The following LRP1B variants were observed in gnomAD, a reference collection of about 807,000 sequenced individuals.
The protein encoded by LRP1B is low-density lipoprotein receptor-related protein 1B.
Under a neutral mutation model 556.6 loss-of-function variants are expected in LRP1B, and 217 were observed. That is an observed-to-expected ratio of 0.39 (90% CI 0.35 to 0.44). The LOEUF is 0.44. Ranked by LOEUF, LRP1B falls within the 20% of genes least tolerant of loss-of-function variation. LRP1B has a pLI of 1.00. For synonymous variants in LRP1B, 2,047 were observed against 1,865.8 expected (o/e 1.10, Z -2.50); for missense variants, 5,053 against 5,620.8 (o/e 0.90, Z 3.23).
At chr2:140,682,040 T>A (rs1246779545) in intron 41 of LRP1B, among the ~76,000 whole-genome samples, 1 of 152,234 alleles carries the variant, frequency 6.6e-6, no homozygotes, top group Non-Finnish European at 1.5e-5. Flanking sequence ...ATGATTTTTA[T>A]GTAAGATGCA....
intron 7 of LRP1B, among the ~76,000 whole-genome samples, chr2:141,186,985 A>T (rs190460334): frequency 7.9e-5 from 12 of 152,176 alleles, no homozygotes; most frequent in Non-Finnish European, 2.9e-5. Context: ...TGCTGTCTAA[A>T]GGCTAATCTG....
intron 1 of LRP1B, among the ~76,000 whole-genome samples, chr2:142,017,965 T>TC (rs1456765502): frequency 6.6e-6 from 1 of 151,770 alleles, no homozygotes; most frequent in Non-Finnish European, 1.5e-5. Context: ...CTTTTTTTTT[T>TC]TTTTGGTGTT....
intron 2 of LRP1B, among the ~76,000 whole-genome samples, chr2:141,593,881 C>T (rs889395069): frequency 6.6e-6 from 1 of 152,094 alleles, no homozygotes; most frequent in Non-Finnish European, 1.5e-5. Flanking sequence ...ACCTCCAAAG[C>T]CTGTCATCAG....
intron 31 of LRP1B, among the ~76,000 whole-genome samples, chr2:140,839,008 T>C (rs1208386926): frequency 6.6e-6 from 1 of 152,088 alleles, no homozygotes; most frequent in Non-Finnish European, 1.5e-5. Context: ...TTTGCAATGG[T>C]TGGCAAAGGT....
chr2:142,066,525 A>G (rs1446173069), intron 1 of LRP1B, among the ~76,000 whole-genome samples: 1 of 151,408 alleles, frequency 6.6e-6, no homozygotes, highest in Non-Finnish European at 1.5e-5. Context: ...ATTCCTTATG[A>G]TTCTTCATTA....
chr2:142,010,548 C>G (rs1318604997), intron 1 of LRP1B, among the ~76,000 whole-genome samples: 2 of 90,598 alleles, frequency 2.2e-5, no homozygotes, highest in Non-Finnish European at 2.0e-5. Context: ...GAGCAAGATT[C>G]TGTCTCAAAA....
intron 6 of LRP1B, among the ~76,000 whole-genome samples, chr2:141,209,149 T>C (rs1271133931): frequency 6.6e-6 from 1 of 152,120 alleles, no homozygotes; most frequent in African/African-American, 2.4e-5. Context: ...GAACTGATAC[T>C]GTTTGGTTCT....
In LRP1B at chr2:141,224,464, C is replaced by A. The variant is rs113469265; in HGVS notation, c.850+4719G>T. ...CTAGAACCAGAAATACCATTTGACC[C>A]GGCAATCCCATTACTGGGTATATAC... On this transcript the variant is annotated intron_variant, in intron 6 of 90. Transcript: ENST00000389484. Among the ~76,000 whole-genome samples, 27 of 152,226 alleles carry A rather than the reference C, an allele frequency of 1.8e-4. No homozygotes were observed. In the South Asian group the frequency reaches 5.6e-3, roughly 32 times the overall value.
At chr2:141,855,095 A>T (rs1698004803) in intron 1 of LRP1B, among the ~76,000 whole-genome samples, 1 of 152,058 alleles carries the variant, frequency 6.6e-6, no homozygotes, top group Non-Finnish European at 1.5e-5. Flanking sequence ...GCTAGGAAGA[A>T]GGTGGAGGCT....
At chr2:141,533,408 T>A (rs1684959545) in intron 2 of LRP1B, among the ~76,000 whole-genome samples, 1 of 152,152 alleles carries the variant, frequency 6.6e-6, no homozygotes, top group African/African-American at 2.4e-5. Context: ...TGCTCACATC[T>A]TTTCATGAGA....
intron 43 of LRP1B, among the ~76,000 whole-genome samples, chr2:140,583,171 C>CTTTTTTTTTTTTTT (rs1219194754): frequency 2.1e-5 from 1 of 48,024 alleles, no homozygotes; most frequent in African/African-American, 6.2e-5. Flanking sequence ...CCTTTTTTTT[C>CTTTTTTTTTTTTTT]TTTTTTTTTT....
chr2:141,384,650 G>A (rs1689764520), intron 3 of LRP1B, among the ~76,000 whole-genome samples: 1 of 152,054 alleles, frequency 6.6e-6, no homozygotes, highest in Admixed American at 6.6e-5. Flanking sequence ...TAGCTCAGCA[G>A]CATGCCACAG....
At chr2:140,728,908 CATCT>C (rs1335305867) in intron 35 of LRP1B, among the ~76,000 whole-genome samples, 1 of 151,826 alleles carries the variant, frequency 6.6e-6, no homozygotes, top group Non-Finnish European at 1.5e-5. Flanking sequence ...TAAATGAATC[CATCT>C]GTGTTAAATA....
intron 8 of LRP1B, among the ~76,000 whole-genome samples, chr2:141,059,928 A>C (rs1461108426): frequency 6.6e-6 from 1 of 151,802 alleles, no homozygotes; most frequent in Non-Finnish European, 1.5e-5. Context: ...GGTAAAGTGA[A>C]GTTGCCACTT....
intron 31 of LRP1B, among the ~76,000 whole-genome samples, chr2:140,839,307 G>A (rs1692021992): frequency 2.0e-5 from 3 of 152,152 alleles, no homozygotes; most frequent in Admixed American, 2.0e-4. Context: ...TAATATGATG[G>A]TTAATATTGA....
At chr2:141,195,778 A>C (rs1681725649) in intron 6 of LRP1B, among the ~76,000 whole-genome samples, 1 of 152,122 alleles carries the variant, frequency 6.6e-6, no homozygotes. Context: ...GACACAACCA[A>C]GGCCTGGATC....
intron 3 of LRP1B, among the ~76,000 whole-genome samples, chr2:141,315,782 T>G (rs1245424325): frequency 1.3e-5 from 2 of 151,604 alleles, no homozygotes; most frequent in Non-Finnish European, 2.9e-5. Flanking sequence ...TTTCAGAATT[T>G]TTTTTTGTTT....
Position 140,967,112 on chromosome 2 carries a change from A to C in LRP1B, c.2887+15048T>G, listed in dbSNP as rs145267730. ...TTGGTAGCTTGATGGGGATGGCATT[A>C]AATCTATAAATTACCTCAGGCAGTA... On this transcript the variant is annotated intron_variant, in intron 18 of 90. Coordinates refer to ENST00000389484, the MANE Select transcript of LRP1B (RefSeq NM_018557.3). Among the ~76,000 whole-genome samples, 389 of 152,230 alleles carry C rather than the reference A, an allele frequency of 2.6e-3. 2 individuals are homozygous for C. The highest frequency in any genetic ancestry group is 9.1e-3 in the African/African-American group (377 of 41,558).
chr2:140,412,917 A>G (rs1685027855), intron 66 of LRP1B, among the ~76,000 whole-genome samples: 2 of 152,152 alleles, frequency 1.3e-5, no homozygotes, highest in African/African-American at 4.8e-5. Flanking sequence ...GATATAAAAC[A>G]ATGGCAGAAT....
Sources: allele counts gnomAD v4.1 joint callset (sites outside exome capture counted in the v4.1 genomes callset), GRCh38; gene constraint gnomAD v4.1.1; transcripts MANE v1.5; gene names NCBI Gene and HGNC (gene_info 2026-07-23, HGNC 2026-07-21).